Variants in RBBP9 observed in about 807,000 individuals in gnomAD.
RBBP9 encodes RB binding protein 9, serine hydrolase.
RBBP9 carries 20 observed loss-of-function variants against 24.2 expected under a neutral mutation model. The observed-to-expected ratio is 0.83, with a 90% CI of 0.58 to 1.20. RBBP9 has a LOEUF of 1.20. RBBP9 is among the 50% of genes most tolerant of loss of function. The pLI is 0.00. For synonymous variants in RBBP9, 74 were observed against 84.6 expected (o/e 0.87, Z 0.69); for missense variants, 234 against 233.6 (o/e 1.00, Z -0.01).
intron 4 of RBBP9, 94 bp downstream of exon 4, chr20:18,490,301 A>T (rs2059860554): frequency 1.1e-6 from 1 of 949,526 alleles, no homozygotes; most frequent in Non-Finnish European, 1.7e-6. Flanking sequence ...AGAATTTTTT[A>T]GCCTATCTGA....
At chr20:18,490,284 T>C in intron 4 of RBBP9, 111 bp downstream of exon 4, 1 of 811,396 alleles carries the variant, frequency 1.2e-6, no homozygotes, top group East Asian at 2.5e-5. Flanking sequence ...CTTTCTCATA[T>C]GCTATTAGAA....
chr20:18,494,400 C>T (rs946188186), intron 2 of RBBP9, among the ~76,000 whole-genome samples: 2 of 149,404 alleles, frequency 1.3e-5, no homozygotes, highest in African/African-American at 4.9e-5. Flanking sequence ...AGCTAATGGT[C>T]AGGTGCAGTG....
rs2059852041 is a variant in RBBP9 at position 18,488,512 on chromosome 20, C to G, written c.*1252G>C. ...AACACCTGGCCTCAAGCAATACAAC[C>G]ACCTCAGCCTCCCACAGTGCTGGGA... On this transcript the variant is annotated 3_prime_UTR_variant, in exon 5 of 5. Transcript: ENST00000337227. 1 of 152,322 alleles carries G rather than the reference C, an allele frequency of 6.6e-6. No individual in the cohort carries two copies. The highest frequency in any genetic ancestry group is 1.9e-4 in the East Asian group (1 of 5,184). The allele number at this position is 152,322 out of a possible 1,614,324, so 9.4% of individuals were successfully genotyped here.
rs11476688 is a variant in RBBP9 at position 18,495,644 on chromosome 20, GAA to G, written c.142+192_142+193del. Among the ~76,000 whole-genome samples, 388 of 91,716 alleles carry G rather than the reference GAA, an allele frequency of 4.2e-3. 5 individuals are homozygous for G. Among genetic ancestry groups the G allele is most frequent in the Admixed American group, 0.028 (254 of 9,026 alleles). 60.2% of individuals were successfully genotyped at this position (91,716 alleles called of 152,430 possible). On this transcript the variant is annotated intron_variant, in intron 2 of 4. Coordinates refer to ENST00000337227, the MANE Select transcript of RBBP9 (RefSeq NM_006606.3). Reference sequence around the variant, plus strand: ...ATAAAAATGACAAATTCACAGAATTGAAAAAAAAAAAAAAAAAAGAATTTTCT... The same window carrying G: ...ATAAAAATGACAAATTCACAGAATTGAAAAAAAAAAAAAAAAGAATTTTCT...
rs62216369 is a variant in RBBP9, at chr20:18,489,875, G to T, written c.450C>A (p.Ala150=). The change falls in exon 5 of 5, where the codon GCC becomes GCA. Residue 150 remains alanine, a synonymous_variant. Transcript: ENST00000337227. ...TGTGCAATTTGGTTTCCAACCTATC[G>T]GCCACTTCTTGTTGTTCCTTCCAGG... ...FLPWKEQQEV[A]DRLETKLHKF... 1 of 1,613,856 alleles carries T rather than the reference G, an allele frequency of 6.2e-7. No homozygotes were observed. Among genetic ancestry groups the T allele is most frequent in the Non-Finnish European group, 8.5e-7 (1 of 1,179,850 alleles).
At chr20:18,495,152 A>C (rs1158817185) in intron 2 of RBBP9, among the ~76,000 whole-genome samples, 5 of 149,364 alleles carry the variant, frequency 3.3e-5, no homozygotes, top group African/African-American at 1.2e-4. Context: ...GAAAGGGGGG[A>C]AAGGTGGGGA....
rs1410290769 is a variant in RBBP9, at chr20:18,488,627, A to G, written c.*1137T>C. The G allele has an allele frequency of 6.6e-6, 1 of 152,240 alleles. No homozygotes were observed. The highest frequency in any genetic ancestry group is 1.5e-5 in the Non-Finnish European group (1 of 68,050). 9.4% of individuals were successfully genotyped at this position (152,240 alleles called of 1,614,324 possible). ...AATGGAATGTGCTTGAAAGAGATCT[A>G]AAGGGCCATGGAAGTTAAAAGGTTT... is the stretch of plus-strand genomic sequence containing the variant. On this transcript the variant is annotated 3_prime_UTR_variant, in exon 5 of 5. Transcript: ENST00000337227.
At chr20:18,497,045 G>A (rs376495370) in intron 1 of RBBP9, 24 bp downstream of exon 1, 2 of 1,600,822 alleles carry the variant, frequency 1.2e-6, no homozygotes, top group Non-Finnish European at 1.7e-6. Context: ...CTGACTTCAC[G>A]GAGCAGCGGC....
At position 18,488,432 on chromosome 20, in the gene RBBP9, A is replaced by G. The variant is rs919363156; in HGVS notation, c.*1332T>C. 6.6e-6 allele frequency: 1 copy of G among 152,234 alleles called. No homozygotes were observed. Among genetic ancestry groups the G allele is most frequent in the African/African-American group, 2.4e-5 (1 of 41,398 alleles). 9.4% of individuals were successfully genotyped at this position (152,234 alleles called of 1,614,324 possible). On this transcript the variant is annotated 3_prime_UTR_variant, in exon 5 of 5. Transcript: ENST00000337227. ...AGGTGTGCACCACCATGCCTAGCTA[A>G]TGTTTTAATATTTTGTAGAGATGGG... is the stretch of plus-strand genomic sequence containing the variant.
intron 1 of RBBP9, 92 bp from the exon 2 acceptor site, chr20:18,495,972 T>C: frequency 9.4e-7 from 1 of 1,059,822 alleles, no homozygotes; most frequent in Non-Finnish European, 1.4e-6. Context: ...GATATGATCG[T>C]TACCAATTCA....
Position 18,497,093 on chromosome 20 carries a change from G to GC in RBBP9, c.74dup (p.Trp26LeufsTer17). On this transcript the variant is annotated frameshift_variant, in exon 1 of 5. Coordinates refer to ENST00000337227, the MANE Select transcript of RBBP9 (RefSeq NM_006606.3). LOFTEE classifies it high-confidence loss of function. The stretch of plus-strand genomic sequence containing the variant: ...CCTTCTCCAGCTCCTTTTTCACCCA[G>GC]CCATACCAGCCGTGGGTGGTCACAT... 1.2e-6 allele frequency: 2 copies of GC among 1,614,092 alleles called. No individual in the cohort carries two copies. Among genetic ancestry groups the GC allele is most frequent in the Non-Finnish European group, 1.7e-6 (2 of 1,179,956 alleles).
chr20:18,493,919 GAGCCCACAAAGGGGAT>G (rs1220582442), intron 3 of RBBP9, 23 bp downstream of exon 3: 1 of 1,462,854 alleles, frequency 6.8e-7, no homozygotes, highest in African/African-American at 1.4e-5. Flanking sequence ...AGCATGACTG[GAGCCCACAAAGGGGAT>G]AGCAGTTTAA....
At chr20:18,492,156 C>T (rs966065979) in intron 3 of RBBP9, among the ~76,000 whole-genome samples, 3 of 148,266 alleles carry the variant, frequency 2.0e-5, no homozygotes, top group Non-Finnish European at 4.5e-5. Flanking sequence ...TGTCACATTT[C>T]ACCCGTACTT....
Position 18,488,314 on chromosome 20 carries a change from G to A in RBBP9, c.*1450C>T, listed in dbSNP as rs1009354081. 1 of 151,896 alleles carries A rather than the reference G, an allele frequency of 6.6e-6. No individual in the cohort carries two copies. Among genetic ancestry groups the A allele is most frequent in the Non-Finnish European group, 1.5e-5 (1 of 68,008 alleles). The allele number at this position is 151,896 out of a possible 1,614,324, so 9.4% of individuals were successfully genotyped here. On this transcript the variant is annotated 3_prime_UTR_variant, in exon 5 of 5. Coordinates refer to ENST00000337227, the MANE Select transcript of RBBP9 (RefSeq NM_006606.3). ...ACAGGTTCTTCGCTCCATCACCCAG[G>A]ATGGAGTACAGTGGCGCGATCATAG... is the stretch of plus-strand genomic sequence containing the variant.
In RBBP9 at chr20:18,486,657, CTG is replaced by C. The variant is rs1361020605; in HGVS notation, c.*3105_*3106del. On this transcript the variant is annotated 3_prime_UTR_variant, in exon 5 of 5. Transcript: ENST00000337227. ...GGATCATTTATCCTACAGGGATAAA[CTG>C]TAACCAAAACAGATTGTGGGGCTCT... The C allele has an allele frequency of 1.3e-5, 2 of 152,124 alleles. No homozygotes were observed. The highest frequency in any genetic ancestry group is 2.9e-5 in the Non-Finnish European group (2 of 68,018). 9.4% of individuals were successfully genotyped at this position (152,124 alleles called of 1,614,324 possible). A position where few individuals can be genotyped will look rare whatever the true frequency, so the allele number is the denominator to read the frequency against.
At position 18,497,118 on chromosome 20, in the gene RBBP9, T is replaced by A; in HGVS notation, c.50A>T (p.Asp17Val). Residue 17 changes from aspartate (D) to valine (V), a missense_variant, in exon 1 of 5, where the codon GAT becomes GTT. Coordinates refer to ENST00000337227, the MANE Select transcript of RBBP9 (RefSeq NM_006606.3). The stretch of plus-strand genomic sequence containing the variant: ...GCCATACCAGCCGTGGGTGGTCACA[T>A]CCCCGCCTCCGTTCCCGGGAACAAT... ...AVIVPGNGGG[D>V]VTTHGWYGWV... The A allele has an allele frequency of 1.2e-6, 2 of 1,614,110 alleles. No individual in the cohort carries two copies. The highest frequency in any genetic ancestry group is 2.2e-5 in the South Asian group (2 of 91,082).
Position 18,493,995 on chromosome 20 carries a change from T to C in RBBP9, c.211A>G (p.Ile71Val), listed in dbSNP as rs1600213817. The C allele has an allele frequency of 6.2e-7, 1 of 1,613,370 alleles. No homozygotes were observed. The stretch of plus-strand genomic sequence containing the variant: ...ATGGCCCCAGAACTGTGGCCAATGA[T>C]GATAGTCTTCTCATCACAGTGCAGC... ...TELHCDEKTI[I>V]IGHSSGAIAA... Residue 71 changes from isoleucine (I) to valine (V), a missense_variant, in exon 3 of 5, where the codon ATC (isoleucine) becomes GTC (valine). Coordinates refer to ENST00000337227, the MANE Select transcript of RBBP9 (RefSeq NM_006606.3).
chr20:18,490,569 T>C lies in RBBP9; in HGVS notation c.249-89A>G. ...AAACTACTTAAAAACTCATTTGAGGTAGCCTACAGAAAGCACGTGCTACCT... is the reference window on the plus strand; with the variant it reads ...AAACTACTTAAAAACTCATTTGAGGCAGCCTACAGAAAGCACGTGCTACCT... On this transcript the variant is annotated intron_variant, in intron 3 of 4. Transcript: ENST00000337227. The C allele has an allele frequency of 3.1e-6, 3 of 963,054 alleles. 1 individual carries two copies. In the South Asian group the frequency reaches 4.3e-5, roughly 14 times the overall value. The allele number at this position is 963,054 out of a possible 1,614,324, so 59.7% of individuals were successfully genotyped here.
At position 18,486,894 on chromosome 20, in the gene RBBP9, G is replaced by A. The variant is rs952084550; in HGVS notation, c.*2870C>T. On this transcript the variant is annotated 3_prime_UTR_variant, in exon 5 of 5. Coordinates refer to ENST00000337227, the MANE Select transcript of RBBP9 (RefSeq NM_006606.3). Reference sequence around the variant, plus strand: ...CTCTATGGTTTTTAATGAATAGTTTGTGTAGATTTTCCCATGAAACACCCC... The same window carrying A: ...CTCTATGGTTTTTAATGAATAGTTTATGTAGATTTTCCCATGAAACACCCC... 2 of 152,178 alleles carry A rather than the reference G, an allele frequency of 1.3e-5. No homozygotes were observed. Among genetic ancestry groups the A allele is most frequent in the Non-Finnish European group, 2.9e-5 (2 of 68,038 alleles). 9.4% of individuals were successfully genotyped at this position (152,178 alleles called of 1,614,324 possible). A position where few individuals can be genotyped will look rare whatever the true frequency, so the allele number is the denominator to read the frequency against.
Sources: allele counts gnomAD v4.1 joint callset (sites outside exome capture counted in the v4.1 genomes callset), GRCh38; gene constraint gnomAD v4.1.1; transcripts MANE v1.5; gene names NCBI Gene and HGNC (gene_info 2026-07-23, HGNC 2026-07-21).